The following ADRA1A variants were observed in gnomAD, a reference collection of about 807,000 sequenced individuals.
ADRA1A encodes alpha-1A adrenergic receptor.
A neutral mutation model predicts 29.6 loss-of-function variants in ADRA1A; 31 were observed. The observed-to-expected ratio is 1.05, with a 90% CI of 0.79 to 1.41. The LOEUF is 1.41. ADRA1A is among the 40% of genes most tolerant of loss of function. The pLI is 0.00. For synonymous variants in ADRA1A, 311 were observed against 254.3 expected (o/e 1.22, Z -2.12); for missense variants, 619 against 601.1 (o/e 1.03, Z -0.31).
At chr8:26,762,465 T>G (rs961793435), downstream of ADRA1A, among the ~76,000 whole-genome samples, 1 of 152,176 alleles carries the variant, frequency 6.6e-6, no homozygotes, top group Non-Finnish European at 1.5e-5. This position sits in a 1 kb window ranked among gnomAD's most constrained non-coding sequence, Gnocchi z 4.0. Context: ...CAGCCCCATC[T>G]CATCACTCAG....
At chr8:26,759,939 C>T (rs996960219) in intron 2 of ADRA1A, among the ~76,000 whole-genome samples, 10 of 152,092 alleles carry the variant, frequency 6.6e-5, no homozygotes, top group African/African-American at 2.4e-4. Flanking sequence ...TGGTGCATCA[C>T]GTGACTCTAG....
chr8:26,772,883 A>ACACATG (rs79239280), intron 2 of ADRA1A, among the ~76,000 whole-genome samples: 16,354 of 151,652 alleles, frequency 0.11, 961 homozygotes, highest in African/African-American at 0.15. Flanking sequence ...ACACACACAC[A>ACACATG]ATGGGTGTTT....
At chr8:26,791,812 G>A (rs1439919531) in intron 2 of ADRA1A, among the ~76,000 whole-genome samples, 1 of 151,834 alleles carries the variant, frequency 6.6e-6, no homozygotes, top group Non-Finnish European at 1.5e-5. Context: ...TCTCTTTTAT[G>A]TCTCAGCTCA....
At chr8:26,851,954 A>G (rs1285973213) in intron 2 of ADRA1A, among the ~76,000 whole-genome samples, 1 of 152,190 alleles carries the variant, frequency 6.6e-6, no homozygotes, top group Non-Finnish European at 1.5e-5. Flanking sequence ...GATTAAATCT[A>G]TTGTGTATTA....
intron 2 of ADRA1A, among the ~76,000 whole-genome samples, chr8:26,783,208 G>A (rs1447265714): frequency 6.6e-6 from 1 of 152,172 alleles, no homozygotes; most frequent in Non-Finnish European, 1.5e-5. Context: ...TGAAGTATGA[G>A]TTATATATGA....
intron 2 of ADRA1A, among the ~76,000 whole-genome samples, chr8:26,759,745 A>C (rs1805399852): frequency 6.6e-6 from 1 of 152,256 alleles, no homozygotes; most frequent in African/African-American, 2.4e-5. Context: ...GGCTGCATTT[A>C]GCAACAGGGA....
chr8:26,865,416 C>A lies in ADRA1A; in HGVS notation c.-447G>T. Reference sequence around the variant, plus strand: ...CATGATTCGGAATTCAAAACTCCAGCGCCAGTCTCTCCCTCAAACCAAAAG... The same window carrying A: ...CATGATTCGGAATTCAAAACTCCAGAGCCAGTCTCTCCCTCAAACCAAAAG... On this transcript the variant is annotated 5_prime_UTR_variant, in exon 2 of 3. Coordinates refer to ENST00000380573, the MANE Select transcript of ADRA1A (RefSeq NM_000680.4). The surrounding 1 kb of genome is among the most constrained non-coding windows in gnomAD (Gnocchi z 7.6). 1 of 1,003,728 alleles carries A rather than the reference C, an allele frequency of 1.0e-6. No individual in the cohort carries two copies. The allele number at this position is 1,003,728 out of a possible 1,614,324, so 62.2% of individuals were successfully genotyped here.
chr8:26,751,774 A>T (rs971660359), downstream of ADRA1A, among the ~76,000 whole-genome samples: 2 of 152,254 alleles, frequency 1.3e-5, no homozygotes, highest in African/African-American at 4.8e-5. Context: ...TTGAATGTTT[A>T]TTATGAACTA....
chr8:26,859,983 G>T (rs1813333856), intron 2 of ADRA1A, among the ~76,000 whole-genome samples: 1 of 151,988 alleles, frequency 6.6e-6, no homozygotes, highest in East Asian at 1.9e-4. Context: ...GGCCAGGCTG[G>T]TCTCGAACTC....
intron 2 of ADRA1A, among the ~76,000 whole-genome samples, chr8:26,846,623 T>G (rs117056304): frequency 0.052 from 7,972 of 152,124 alleles, 295 homozygotes; most frequent in Admixed American, 0.11. Context: ...ATACAAAAAC[T>G]TAGCCAGGCG....
At chr8:26,749,842 A>G (rs1804847995) in intron 2 of ADRA1A, among the ~76,000 whole-genome samples, 1 of 152,072 alleles carries the variant, frequency 6.6e-6, no homozygotes, top group Admixed American at 6.5e-5. Context: ...TTCCTCTCTC[A>G]TTTCCTATCT....
chr8:26,845,139 A>C (rs534229355), intron 2 of ADRA1A, among the ~76,000 whole-genome samples: 1 of 152,332 alleles, frequency 6.6e-6, no homozygotes, highest in Admixed American at 6.5e-5. Context: ...GGATACTATC[A>C]AGAATGTGAA....
downstream of ADRA1A, among the ~76,000 whole-genome samples, chr8:26,755,840 C>T (rs1458095084): frequency 6.6e-6 from 1 of 152,208 alleles, no homozygotes; most frequent in Non-Finnish European, 1.5e-5. Flanking sequence ...AATGAGAGAG[C>T]AGAGACTGCA....
intron 2 of ADRA1A, among the ~76,000 whole-genome samples, chr8:26,820,566 A>G (rs1810090313): frequency 6.6e-6 from 1 of 152,118 alleles, no homozygotes; most frequent in Admixed American, 6.5e-5. Context: ...TAGACTTTTC[A>G]CCACCTTCCC....
upstream of ADRA1A, chr8:26,867,300 C>A (rs1406235902): frequency 9.1e-6 from 9 of 985,356 alleles, no homozygotes; most frequent in African/African-American, 7.0e-5. Flanking sequence ...CAGCTAGTAC[C>A]GTAATCTCCT....
At chr8:26,842,906 C>CACACACA (rs1484671537) in intron 2 of ADRA1A, among the ~76,000 whole-genome samples, 1 of 142,732 alleles carries the variant, frequency 7.0e-6, no homozygotes, top group African/African-American at 2.6e-5. Context: ...CACACACACA[C>CACACACA]ACCACTCAAG....
chr8:26,762,721 G>C (rs1310285194), downstream of ADRA1A, among the ~76,000 whole-genome samples: 1 of 152,134 alleles, frequency 6.6e-6, no homozygotes, highest in African/African-American at 2.4e-5. The surrounding 1 kb of genome is among the most constrained non-coding windows in gnomAD (Gnocchi z 4.0). Context: ...TTACTTAATG[G>C]CCTCAGTATT....
chr8:26,816,533 ATGTG>A (rs59536491), intron 2 of ADRA1A, among the ~76,000 whole-genome samples: 4,371 of 147,394 alleles, frequency 0.03, 89 homozygotes, highest in African/African-American at 0.057. Flanking sequence ...CTCATGGTGT[ATGTG>A]TGTGTGTGTG....
chr8:26,816,303 G>A lies in ADRA1A; in HGVS notation c.884-45637C>T, dbSNP rs138631702. ...GAAAAACCGTATTCCATGAAGGTGG[G>A]ATAAACTTGCTGGGTTCAGACCTAT... On this transcript the variant is annotated intron_variant, in intron 2 of 2. Transcript: ENST00000380573. Among the ~76,000 whole-genome samples, 104 of 152,294 alleles carry A rather than the reference G, an allele frequency of 6.8e-4. 2 individuals are homozygous for A. The East Asian group carries it at 0.019, about 27-fold the overall frequency.
Sources: allele counts gnomAD v4.1 joint callset (sites outside exome capture counted in the v4.1 genomes callset), GRCh38; gene constraint gnomAD v4.1.1; non-coding constraint Gnocchi (gnomAD v3.1); transcripts MANE v1.5; gene names NCBI Gene and HGNC (gene_info 2026-07-23, HGNC 2026-07-21).